The following PHLDB2 variants were observed in gnomAD, a reference collection of about 807,000 sequenced individuals.
The protein encoded by PHLDB2 is pleckstrin homology like domain family B member 2.
PHLDB2 carries 71 observed loss-of-function variants against 123.6 expected under a neutral mutation model. That is an observed-to-expected ratio of 0.57 (90% confidence interval 0.47 to 0.70). The LOEUF is 0.70. Ranked by LOEUF, PHLDB2 falls within the 30% of genes least tolerant of loss-of-function variation. The probability of loss-of-function intolerance (pLI) is 0.00; values close to 1 mark genes in which losing one functional copy is unlikely to be tolerated. For missense variants in PHLDB2, 1,446 were observed against 1,519.5 expected (o/e 0.95, Z 0.80); for synonymous variants, 547 against 541.6 (o/e 1.01, Z -0.14).
At chr3:111,860,412 G>A (rs938429288) in intron 1 of PHLDB2, among the ~76,000 whole-genome samples, 1 of 152,232 alleles carries the variant, frequency 6.6e-6, no homozygotes, top group Non-Finnish European at 1.5e-5. Context: ...ATAGCAGCTG[G>A]AAGGCTTGGG....
chr3:111,765,736 G>C (rs1317666308), intron 1 of PHLDB2, among the ~76,000 whole-genome samples: 1 of 152,188 alleles, frequency 6.6e-6, no homozygotes, highest in Non-Finnish European at 1.5e-5. Flanking sequence ...TTGGAACTAG[G>C]TTATATCCAG....
intron 12 of PHLDB2, chr3:111,960,074 G>C (rs953519722): frequency 1.8e-6 from 1 of 561,578 alleles, no homozygotes; most frequent in African/African-American, 2.0e-5. Flanking sequence ...ATATACGTGT[G>C]TGAGCTTTTC....
At chr3:111,747,019 C>G (rs549902208) in intron 1 of PHLDB2, among the ~76,000 whole-genome samples, 42 of 152,092 alleles carry the variant, frequency 2.8e-4, no homozygotes, top group Non-Finnish European at 5.0e-4. Flanking sequence ...TAAATCAAGA[C>G]TTAGAGCAGA....
intron 2 of PHLDB2, among the ~76,000 whole-genome samples, chr3:111,897,712 A>T (rs1450309164): frequency 1.3e-5 from 2 of 152,248 alleles, no homozygotes; most frequent in Non-Finnish European, 2.9e-5. Flanking sequence ...ATAGAATAAC[A>T]AGCTGAAGCT....
intron 12 of PHLDB2, chr3:111,958,108 A>T (rs751978217): frequency 5.4e-6 from 1 of 184,408 alleles, no homozygotes; most frequent in African/African-American, 2.4e-5. Context: ...TTAATTTGCT[A>T]TTGTAACTAA....
intron 1 of PHLDB2, among the ~76,000 whole-genome samples, chr3:111,776,674 A>G (rs184867397): frequency 1.3e-5 from 2 of 152,240 alleles, no homozygotes; most frequent in Admixed American, 1.3e-4. Flanking sequence ...AGGCCTGCAT[A>G]AGAGTGCCAA....
chr3:111,887,543 A>G (rs1216860576), intron 2 of PHLDB2, among the ~76,000 whole-genome samples: 2 of 152,212 alleles, frequency 1.3e-5, no homozygotes, highest in East Asian at 1.9e-4. Flanking sequence ...ATAATATTTC[A>G]TTTAGTTTGC....
intron 2 of PHLDB2, among the ~76,000 whole-genome samples, chr3:111,897,307 C>G (rs1166406154): frequency 1.3e-5 from 2 of 152,228 alleles, no homozygotes; most frequent in Non-Finnish European, 2.9e-5. Context: ...CAGAGACACA[C>G]TTCTGTGTGT....
At chr3:111,855,320 C>G (rs1050471812), upstream of PHLDB2, among the ~76,000 whole-genome samples, 2 of 152,122 alleles carry the variant, frequency 1.3e-5, no homozygotes, top group African/African-American at 4.8e-5. Flanking sequence ...TGGCAGAGCG[C>G]AGGCAGGACT....
At chr3:111,842,578 C>G (rs1462841989) in intron 1 of PHLDB2, among the ~76,000 whole-genome samples, 1 of 152,118 alleles carries the variant, frequency 6.6e-6, no homozygotes, top group African/African-American at 2.4e-5. Context: ...TTCTGTGAAG[C>G]TTCTTTTTTT....
intron 14 of PHLDB2, 148 bp downstream of exon 14, chr3:111,966,851 A>G: frequency 1.6e-6 from 1 of 608,450 alleles, no homozygotes. Context: ...TTATCTGAAA[A>G]ATAAAGGTGT....
In PHLDB2 at chr3:111,753,191, A is replaced by G. The variant is rs1331714645; in HGVS notation, c.-49+20488A>G. On this transcript the variant is annotated intron_variant, in intron 1 of 17. Transcript: ENST00000393923. The stretch of plus-strand genomic sequence containing the variant: ...TAATGGGATGGCTGGGTCAAATGGT[A>G]TTTCTAGTTCTAGATCCCTGAGGAA... 4.2e-3 allele frequency among the ~76,000 whole-genome samples: 623 copies of G among 148,696 alleles called. 1 individual carries two copies. Among genetic ancestry groups the G allele is most frequent in the African/African-American group, 0.015 (600 of 40,188 alleles).
chr3:111,903,240 G>A (rs2067303162), intron 2 of PHLDB2, among the ~76,000 whole-genome samples: 1 of 152,246 alleles, frequency 6.6e-6, no homozygotes. Flanking sequence ...AATGTGAAGA[G>A]AAGCCTGGGT....
At chr3:111,950,593 G>A (rs1391530356) in intron 10 of PHLDB2, among the ~76,000 whole-genome samples, 2 of 151,876 alleles carry the variant, frequency 1.3e-5, no homozygotes, top group Non-Finnish European at 2.9e-5. Context: ...GTACATTGAT[G>A]CTTGGGTATT....
Position 111,885,287 on chromosome 3 carries a change from A to AC in PHLDB2, c.1216dup (p.Gln406ProfsTer12), listed in dbSNP as rs1376883086. The stretch of plus-strand genomic sequence containing the variant: ...GGAAAGCCTCAGACAGGCCTCAGGA[A>AC]CCCCCCAGCCTGCCCTTCGGGAACG... On this transcript the variant is annotated frameshift_variant, in exon 2 of 18. Transcript: ENST00000431670. LOFTEE classifies it high-confidence loss of function. The AC allele has an allele frequency of 1.2e-6, 2 of 1,613,708 alleles. No homozygotes were observed. The highest frequency in any genetic ancestry group is 8.5e-7 in the Non-Finnish European group (1 of 1,179,944).
chr3:111,968,588 G>A lies in PHLDB2; in HGVS notation c.3315+764G>A, dbSNP rs558402428. ...TTTATCAAGATTCACTAGACTCAAA[G>A]GCAAAAGATACCATTACTTTTATTC... On this transcript the variant is annotated intron_variant, in intron 15 of 17. Transcript: ENST00000431670. Among the ~76,000 whole-genome samples the A allele has an allele frequency of 2.0e-5, 3 of 152,216 alleles. No individual in the cohort carries two copies. In the South Asian group the frequency reaches 6.2e-4, roughly 32 times the overall value.
At chr3:111,733,558 A>T (rs1026397122) in intron 1 of PHLDB2, among the ~76,000 whole-genome samples, 1 of 152,186 alleles carries the variant, frequency 6.6e-6, no homozygotes, top group East Asian at 1.9e-4. Flanking sequence ...TACCAATGCC[A>T]CTCTATGTAC....
Position 111,913,628 on chromosome 3 carries a change from C to A in PHLDB2, c.1645C>A (p.Arg549=). The part of the protein sequence containing the change: ...RNDELLSDLT[R]TPPPPSSTFP... ...TGATGAACTACTCAGTGACCTCACCCGGACTCCTCCACCACCATCCTCCAC... is the reference window on the plus strand; with the variant it reads ...TGATGAACTACTCAGTGACCTCACCAGGACTCCTCCACCACCATCCTCCAC... The change falls in exon 3 of 18, where the codon CGG becomes AGG. Residue 549 remains arginine, a synonymous_variant. Coordinates refer to ENST00000431670, the MANE Select transcript of PHLDB2 (RefSeq NM_001134438.2). 1 of 1,614,058 alleles carries A rather than the reference C, an allele frequency of 6.2e-7. No homozygotes were observed. Among genetic ancestry groups the A allele is most frequent in the Non-Finnish European group, 8.5e-7 (1 of 1,179,928 alleles).
At chr3:111,935,425 C>T (rs2069415885) in intron 6 of PHLDB2, among the ~76,000 whole-genome samples, 1 of 151,796 alleles carries the variant, frequency 6.6e-6, no homozygotes, top group African/African-American at 2.4e-5. Flanking sequence ...GCTGCAATAT[C>T]CTCATATATG....
Sources: allele counts gnomAD v4.1 joint callset (sites outside exome capture counted in the v4.1 genomes callset), GRCh38; gene constraint gnomAD v4.1.1; transcripts MANE v1.5; gene names NCBI Gene and HGNC (gene_info 2026-07-23, HGNC 2026-07-21).